The following NCKAP5 variants were observed in gnomAD, a reference collection of about 807,000 sequenced individuals.
The protein encoded by NCKAP5 is nck-associated protein 5.
Under a neutral mutation model 167.0 loss-of-function variants are expected in NCKAP5, and 92 were observed. The ratio of observed to expected loss-of-function variants is 0.55; its 90% CI spans 0.47 to 0.66. The LOEUF (loss-of-function observed/expected upper bound fraction) is 0.66, where lower values mean the gene tolerates loss of function less well. Ranked by LOEUF, NCKAP5 falls within the 30% of genes least tolerant of loss-of-function variation. The pLI, the probability that NCKAP5 is intolerant of heterozygous loss-of-function variation, is 0.00. For missense variants in NCKAP5, 2,378 were observed against 2,315.0 expected (o/e 1.03, Z -0.56); for synonymous variants, 891 against 877.4 (o/e 1.02, Z -0.27).
chr2:132,807,667 T>G (rs1685541308), intron 11 of NCKAP5, among the ~76,000 whole-genome samples: 1 of 152,102 alleles, frequency 6.6e-6, no homozygotes, highest in African/African-American at 2.4e-5. Context: ...GAGGAGTCCT[T>G]AGGGTTTTCA....
chr2:133,447,639 C>CCTTCT (rs757165357), intron 3 of NCKAP5, among the ~76,000 whole-genome samples: 2 of 151,048 alleles, frequency 1.3e-5, no homozygotes, highest in African/African-American at 2.4e-5. Flanking sequence ...TCCCCTTCCC[C>CCTTCT]CTTCTCTTCT....
chr2:133,465,441 C>G (rs1386811110), intron 3 of NCKAP5, among the ~76,000 whole-genome samples: 1 of 151,638 alleles, frequency 6.6e-6, no homozygotes, highest in Non-Finnish European at 1.5e-5. Flanking sequence ...CAAGTCTTTG[C>G]TATCGTGAAT....
At chr2:132,995,329 G>T (rs1004167183) in intron 6 of NCKAP5, among the ~76,000 whole-genome samples, 1 of 151,980 alleles carries the variant, frequency 6.6e-6, no homozygotes, top group African/African-American at 2.4e-5. Context: ...TATGTCCTTA[G>T]TATATAAGTT....
chr2:133,289,943 T>A (rs1679451389), intron 4 of NCKAP5, among the ~76,000 whole-genome samples: 1 of 152,082 alleles, frequency 6.6e-6, no homozygotes, highest in South Asian at 2.1e-4. Context: ...CCAGATCTCA[T>A]GAGAACTCAC....
At chr2:133,449,512 A>G (rs1251707223) in intron 3 of NCKAP5, among the ~76,000 whole-genome samples, 1 of 152,238 alleles carries the variant, frequency 6.6e-6, no homozygotes, top group African/African-American at 2.4e-5. Context: ...AAAATCAGAT[A>G]TCTCTGAAAT....
At chr2:133,188,339 CTT>C (rs1325928273) in intron 5 of NCKAP5, among the ~76,000 whole-genome samples, 1 of 151,984 alleles carries the variant, frequency 6.6e-6, no homozygotes, top group African/African-American at 2.4e-5. Context: ...TGATGGGAGA[CTT>C]TTAACAGTCC....
At chr2:133,071,927 T>G (rs1398882335) in intron 6 of NCKAP5, among the ~76,000 whole-genome samples, 2 of 152,198 alleles carry the variant, frequency 1.3e-5, no homozygotes, top group Non-Finnish European at 2.9e-5. Flanking sequence ...CATAGTGTAT[T>G]GAGTGTATTA....
intron 11 of NCKAP5, among the ~76,000 whole-genome samples, chr2:132,856,965 C>T (rs985321494): frequency 6.6e-6 from 1 of 152,140 alleles, no homozygotes; most frequent in African/African-American, 2.4e-5. Flanking sequence ...CTGTCTATGC[C>T]AAAGTATCCC....
At chr2:132,969,586 A>G (rs1433965870) in intron 7 of NCKAP5, among the ~76,000 whole-genome samples, 1 of 152,192 alleles carries the variant, frequency 6.6e-6, no homozygotes, top group African/African-American at 2.4e-5. Context: ...CTCTTGAGGC[A>G]TTCATTTCCT....
chr2:133,037,882 A>G (rs959210885), intron 6 of NCKAP5, among the ~76,000 whole-genome samples: 3 of 152,134 alleles, frequency 2.0e-5, no homozygotes, highest in African/African-American at 7.2e-5. Context: ...GAAAATATCT[A>G]CAAACTACCC....
At chr2:132,874,222 C>T (rs919488140) in intron 9 of NCKAP5, among the ~76,000 whole-genome samples, 1 of 150,538 alleles carries the variant, frequency 6.6e-6, no homozygotes, top group Non-Finnish European at 1.5e-5. Flanking sequence ...GATTCTCCTG[C>T]TTCAGCCTCC....
At chr2:132,744,233 C>G (rs957613918) in intron 16 of NCKAP5, among the ~76,000 whole-genome samples, 3 of 151,642 alleles carry the variant, frequency 2.0e-5, no homozygotes, top group Non-Finnish European at 4.4e-5. Flanking sequence ...AATGCATATT[C>G]TTTTTGGGTA....
chr2:133,473,455 G>C (rs1183996652), intron 3 of NCKAP5, among the ~76,000 whole-genome samples: 1 of 152,200 alleles, frequency 6.6e-6, no homozygotes, highest in East Asian at 1.9e-4. Flanking sequence ...TTATCCCCCA[G>C]AGTTTCTGAT....
At chr2:132,795,117 G>A (rs754832961) in intron 12 of NCKAP5, among the ~76,000 whole-genome samples, 1 of 152,108 alleles carries the variant, frequency 6.6e-6, no homozygotes, top group Non-Finnish European at 1.5e-5. Context: ...TTTTCTAAAA[G>A]GGAAGACTGA....
intron 11 of NCKAP5, among the ~76,000 whole-genome samples, chr2:132,805,971 T>C (rs1221928400): frequency 6.6e-6 from 1 of 152,138 alleles, no homozygotes; most frequent in East Asian, 1.9e-4. Context: ...TCTATCATTT[T>C]TATGACTTTG....
chr2:132,869,133 T>C (rs17326258), intron 9 of NCKAP5, among the ~76,000 whole-genome samples, 159 bp from the exon 10 acceptor site: 78,400 of 151,998 alleles, frequency 0.52, 20,607 homozygotes, highest in East Asian at 0.71. Context: ...TCATAATAAG[T>C]CTATCCTTCT....
intron 6 of NCKAP5, among the ~76,000 whole-genome samples, chr2:133,008,118 G>A (rs745530028): frequency 6.6e-6 from 1 of 152,112 alleles, no homozygotes; most frequent in Non-Finnish European, 1.5e-5. Flanking sequence ...GTGTCCAGGT[G>A]ACTCAGGGCC....
intron 3 of NCKAP5, among the ~76,000 whole-genome samples, chr2:133,345,678 G>A (rs1683923019): frequency 6.6e-6 from 1 of 152,204 alleles, no homozygotes; most frequent in Non-Finnish European, 1.5e-5. Flanking sequence ...TAATGTTGAG[G>A]ATACTTGCCA....
intron 3 of NCKAP5, among the ~76,000 whole-genome samples, chr2:133,508,721 G>A (rs540119179): frequency 1.3e-5 from 2 of 152,264 alleles, no homozygotes; most frequent in East Asian, 1.9e-4. Flanking sequence ...AGAATGATGC[G>A]GAAAACTCAG....
Sources: gnomAD v4.1 joint callset for allele counts (sites outside exome capture counted in the v4.1 genomes callset) on GRCh38, gnomAD v4.1.1 for gene constraint, MANE v1.5 for transcripts, NCBI Gene and HGNC (gene_info 2026-07-23, HGNC 2026-07-21) for gene names.